The following GGACT variants were observed in gnomAD, a reference collection of about 807,000 sequenced individuals.
The protein encoded by GGACT is gamma-glutamylaminecyclotransferase.
For synonymous variants in GGACT, 118 were observed against 115.3 expected, an observed-to-expected ratio of 1.02 and a Z score of -0.15; for missense variants, 241 against 233.2, an observed-to-expected ratio of 1.03 and a Z score of -0.22.
intron 2 of GGACT, among the ~76,000 whole-genome samples, chr13:100,533,954 G>A (rs1290131368): frequency 6.6e-6 from 1 of 152,266 alleles, no homozygotes; most frequent in Non-Finnish European, 1.5e-5. Context: ...CGGGACTGCA[G>A]GTGCAGGAAA....
intron 2 of GGACT, among the ~76,000 whole-genome samples, chr13:100,549,333 G>C (rs192584286): frequency 6.6e-6 from 1 of 152,298 alleles, no homozygotes; most frequent in East Asian, 1.9e-4. Flanking sequence ...GTGAAACTCC[G>C]TCTCAATAAA....
chr13:100,585,499 G>A (rs1218252870), intron 1 of GGACT, among the ~76,000 whole-genome samples: 1 of 152,112 alleles, frequency 6.6e-6, no homozygotes, highest in African/African-American at 2.4e-5. Flanking sequence ...TGAGCACGGT[G>A]GCTCACGGCT....
chr13:100,555,551 A>G lies in GGACT; in HGVS notation c.-10-22950T>C, dbSNP rs867111795. Among the ~76,000 whole-genome samples the G allele has an allele frequency of 1.2e-4, 18 of 151,798 alleles. 1 individual carries two copies. The highest frequency in any genetic ancestry group is 4.4e-5 in the Non-Finnish European group (3 of 67,970). ...TCTCAGGTTTTTTTTAAAAAGAAAA[A>G]AATCTGGGTATGGTGGCTCACACCT... On this transcript the variant is annotated intron_variant, in intron 2 of 2. Coordinates refer to ENST00000683975, the MANE Select transcript of GGACT (RefSeq NM_001195087.2).
At chr13:100,584,180 G>A (rs1334841070) in intron 1 of GGACT, among the ~76,000 whole-genome samples, 183 bp from the exon 2 acceptor site, 1 of 152,136 alleles carries the variant, frequency 6.6e-6, no homozygotes, top group Non-Finnish European at 1.5e-5. Flanking sequence ...ATGCTTGAGG[G>A]GCCAAAGAAT....
At chr13:100,538,244 C>CA (rs2088516877) in intron 2 of GGACT, 1 of 152,242 alleles carries the variant, frequency 6.6e-6, no homozygotes, top group African/African-American at 2.4e-5. Flanking sequence ...CTGTCACTTG[C>CA]ACTGACCCCA....
chr13:100,550,842 T>G (rs897099362), intron 2 of GGACT, among the ~76,000 whole-genome samples: 1 of 152,220 alleles, frequency 6.6e-6, no homozygotes, highest in Non-Finnish European at 1.5e-5. Context: ...TCCCCAAATT[T>G]ACAGTGTTCT....
At chr13:100,587,637 C>T (rs1360887872) in intron 1 of GGACT, among the ~76,000 whole-genome samples, 3 of 152,128 alleles carry the variant, frequency 2.0e-5, no homozygotes, top group African/African-American at 7.2e-5. Context: ...AGGACACCTA[C>T]GTGTGTGTAA....
chr13:100,564,682 C>G (rs888026552), intron 2 of GGACT, among the ~76,000 whole-genome samples: 3 of 152,188 alleles, frequency 2.0e-5, no homozygotes, highest in African/African-American at 7.2e-5. Flanking sequence ...TTTCATGATT[C>G]AAGGTCGACC....
At chr13:100,568,431 G>T (rs1277910707) in intron 2 of GGACT, among the ~76,000 whole-genome samples, 2 of 152,258 alleles carry the variant, frequency 1.3e-5, no homozygotes, top group Non-Finnish European at 2.9e-5. Flanking sequence ...TGAGTGCCCA[G>T]TGAAGGGGCA....
At chr13:100,585,854 A>AAAAAC (rs1875554164) in intron 1 of GGACT, among the ~76,000 whole-genome samples, 2 of 141,616 alleles carry the variant, frequency 1.4e-5, no homozygotes, top group Non-Finnish European at 3.0e-5. Context: ...AAAAAAAAAA[A>AAAAAC]ATAGCTGGGC....
At chr13:100,588,259 A>G (rs1002813276) in intron 1 of GGACT, among the ~76,000 whole-genome samples, 4 of 152,210 alleles carry the variant, frequency 2.6e-5, no homozygotes, top group African/African-American at 9.6e-5. Flanking sequence ...GAAACCTTAG[A>G]TCAGAAATTC....
At position 100,580,847 on chromosome 13, in the gene GGACT, A is replaced by C. The variant is rs1031370003; in HGVS notation, c.-11+2978T>G. On this transcript the variant is annotated intron_variant, in intron 2 of 2. Coordinates refer to ENST00000683975, the MANE Select transcript of GGACT (RefSeq NM_001195087.2). ...AGTCTACAGTTACAAGACTAAAGGCAAAAGGAACTGTGTATATTCATAAAA... is the reference window on the plus strand; with the variant it reads ...AGTCTACAGTTACAAGACTAAAGGCCAAAGGAACTGTGTATATTCATAAAA... Among the ~76,000 whole-genome samples the C allele has an allele frequency of 7.2e-5, 11 of 152,234 alleles. No homozygotes were observed. In the South Asian group the frequency reaches 2.3e-3, roughly 32 times the overall value.
intron 1 of GGACT, among the ~76,000 whole-genome samples, chr13:100,585,676 G>A (rs974667530): frequency 3.3e-5 from 5 of 151,612 alleles, no homozygotes; most frequent in African/African-American, 9.7e-5. Flanking sequence ...GCTGAGGCAT[G>A]AGAATCACTT....
At chr13:100,588,231 T>C (rs1439669341) in intron 1 of GGACT, among the ~76,000 whole-genome samples, 1 of 152,208 alleles carries the variant, frequency 6.6e-6, no homozygotes, top group Non-Finnish European at 1.5e-5. Context: ...TTTCAGAAGT[T>C]TCACTAATGG....
At chr13:100,583,000 T>TA (rs920266451) in intron 2 of GGACT, among the ~76,000 whole-genome samples, 8 of 151,972 alleles carry the variant, frequency 5.3e-5, no homozygotes, top group Non-Finnish European at 8.8e-5. Flanking sequence ...TTTTTCTTGG[T>TA]AAAAAAAACT....
intron 2 of GGACT, among the ~76,000 whole-genome samples, chr13:100,554,654 G>T (rs2088696150): frequency 6.6e-6 from 1 of 152,156 alleles, no homozygotes; most frequent in Non-Finnish European, 1.5e-5. Context: ...GACGCATATG[G>T]AAGTATCTAG....
At chr13:100,564,934 C>T (rs1403720063) in intron 2 of GGACT, among the ~76,000 whole-genome samples, 2 of 152,134 alleles carry the variant, frequency 1.3e-5, no homozygotes, top group South Asian at 2.1e-4. Context: ...CACTCCAGAC[C>T]GCTACTATTC....
intron 2 of GGACT, among the ~76,000 whole-genome samples, chr13:100,563,493 A>C (rs564831441): frequency 5.2e-4 from 79 of 152,280 alleles, no homozygotes; most frequent in African/African-American, 1.9e-3. Context: ...CAATAAAAAA[A>C]CCTCTAAATT....
intron 2 of GGACT, among the ~76,000 whole-genome samples, chr13:100,566,486 A>T (rs1490171959): frequency 6.6e-6 from 1 of 152,104 alleles, no homozygotes; most frequent in Admixed American, 6.5e-5. Flanking sequence ...TTCTGGTACC[A>T]TGTCTCTCAC....
Sources: allele counts gnomAD v4.1 joint callset (sites outside exome capture counted in the v4.1 genomes callset), GRCh38; gene constraint gnomAD v4.1.1; transcripts MANE v1.5; gene names NCBI Gene and HGNC (gene_info 2026-07-23, HGNC 2026-07-21).